Variants in ACBD6 observed in about 807,000 individuals in gnomAD.
ACBD6 encodes acyl-CoA binding domain containing 6, also known as acyl-CoA-binding domain-containing protein 6.
A neutral mutation model predicts 37.2 loss-of-function variants in ACBD6; 28 were observed. That is an observed-to-expected ratio of 0.75 (90% CI 0.56 to 1.03). The LOEUF is 1.03. Among genes scored for constraint, ACBD6 ranks in the 50% least tolerant of loss-of-function variants. ACBD6 has a pLI of 0.00. For missense variants in ACBD6, 340 were observed against 337.4 expected, an observed-to-expected ratio of 1.01 and a Z score of -0.06; for synonymous variants, 113 against 126.8, an observed-to-expected ratio of 0.89 and a Z score of 0.73.
chr1:180,396,316 C>A (rs1046420581), intron 6 of ACBD6, among the ~76,000 whole-genome samples: 3 of 151,872 alleles, frequency 2.0e-5, no homozygotes. Flanking sequence ...GAGTATTTTA[C>A]CACAATAAAA....
intron 5 of ACBD6, among the ~76,000 whole-genome samples, chr1:180,398,776 T>C (rs1654360072): frequency 6.6e-6 from 1 of 152,204 alleles, no homozygotes; most frequent in African/African-American, 2.4e-5. Flanking sequence ...GATGCATGGC[T>C]TACTACTTTC....
intron 2 of ACBD6, among the ~76,000 whole-genome samples, chr1:180,493,179 C>T (rs918379400): frequency 2.3e-5 from 3 of 129,576 alleles, no homozygotes; most frequent in African/African-American, 8.7e-5. Flanking sequence ...ACCTGGGAGG[C>T]AGAGGTTGCA....
At chr1:180,356,241 A>G (rs914365217) in intron 6 of ACBD6, among the ~76,000 whole-genome samples, 1 of 151,406 alleles carries the variant, frequency 6.6e-6, no homozygotes, top group Non-Finnish European at 1.5e-5. Context: ...CATGATCACG[A>G]CTCACTGCAG....
At chr1:180,473,818 T>C (rs1361436008) in intron 3 of ACBD6, among the ~76,000 whole-genome samples, 2 of 152,158 alleles carry the variant, frequency 1.3e-5, no homozygotes, top group Non-Finnish European at 2.9e-5. Flanking sequence ...CCCACACATA[T>C]GCACATATAC....
intron 7 of ACBD6, among the ~76,000 whole-genome samples, chr1:180,296,642 G>A (rs1241483440): frequency 6.6e-6 from 1 of 151,940 alleles, no homozygotes; most frequent in African/African-American, 2.4e-5. Context: ...TGTTGGCCAG[G>A]CTGGTCTCGA....
intron 6 of ACBD6, among the ~76,000 whole-genome samples, chr1:180,388,099 C>T (rs1381875386): frequency 2.1e-4 from 32 of 151,910 alleles, no homozygotes; most frequent in African/African-American, 7.7e-4. Context: ...TGGCGTGAAC[C>T]CAGGAGGCGG....
At chr1:180,312,875 C>A (rs943499716) in intron 7 of ACBD6, among the ~76,000 whole-genome samples, 1 of 152,168 alleles carries the variant, frequency 6.6e-6, no homozygotes, top group Admixed American at 6.5e-5. Flanking sequence ...AACTGAGGTA[C>A]AGTGTAAGTT....
exon 14 of ACBD6, chr1:180,271,549 C>T (rs1648659589): frequency 6.2e-7 from 1 of 1,613,840 alleles, no homozygotes; most frequent in Non-Finnish European, 8.5e-7. Flanking sequence ...GATGCCAGCA[C>T]TCCTGTGCCC....
At chr1:180,313,857 C>T (rs968277256) in intron 7 of ACBD6, among the ~76,000 whole-genome samples, 5 of 152,144 alleles carry the variant, frequency 3.3e-5, no homozygotes, top group Admixed American at 1.3e-4. Flanking sequence ...ATCATATTTA[C>T]TAGGACTTTA....
intron 6 of ACBD6, among the ~76,000 whole-genome samples, chr1:180,363,929 G>A (rs1359015105): frequency 6.6e-6 from 1 of 152,178 alleles, no homozygotes; most frequent in Non-Finnish European, 1.5e-5. Context: ...TTAGAAGTAA[G>A]CTCATGGGAT....
At position 180,411,311 on chromosome 1, in the gene ACBD6, T is replaced by C. The variant is rs142397819; in HGVS notation, c.573+2055A>G. The stretch of plus-strand genomic sequence containing the variant: ...AAAGCAGTGGCAGGGTTTGAAAGGA[T>C]TGACTACAATTTTGAAAGAAGTTCC... On this transcript the variant is annotated intron_variant, in intron 5 of 7. Coordinates refer to ENST00000367595, the MANE Select transcript of ACBD6 (RefSeq NM_032360.4). 5.4e-3 allele frequency among the ~76,000 whole-genome samples: 816 copies of C among 152,348 alleles called. 4 individuals carry two copies. The highest frequency in any genetic ancestry group is 0.018 in the African/African-American group (752 of 41,576).
chr1:180,343,147 TAAAC>T (rs1188011402), intron 6 of ACBD6, among the ~76,000 whole-genome samples: 3 of 151,824 alleles, frequency 2.0e-5, no homozygotes, highest in Non-Finnish European at 2.9e-5. Flanking sequence ...GAATTAAAAA[TAAAC>T]AAAATTACAT....
intron 5 of ACBD6, among the ~76,000 whole-genome samples, chr1:180,404,860 T>C (rs1483775799): frequency 1.3e-5 from 2 of 152,232 alleles, no homozygotes; most frequent in African/African-American, 2.4e-5. Flanking sequence ...CCAAAATAAG[T>C]TGCCAAAGCT....
intron 7 of ACBD6, among the ~76,000 whole-genome samples, chr1:180,292,499 C>T (rs528011402): frequency 6.6e-6 from 1 of 151,956 alleles, no homozygotes; most frequent in South Asian, 2.1e-4. Flanking sequence ...GTATACTATC[C>T]CTGGTGTTTT....
chr1:180,346,032 G>A (rs1218845056), intron 6 of ACBD6, among the ~76,000 whole-genome samples: 2 of 152,142 alleles, frequency 1.3e-5, no homozygotes. Flanking sequence ...CTGAAATTCT[G>A]AAGCTAAAAT....
intron 7 of ACBD6, among the ~76,000 whole-genome samples, chr1:180,289,567 C>A (rs764181193): frequency 6.6e-6 from 1 of 152,208 alleles, no homozygotes; most frequent in Non-Finnish European, 1.5e-5. Context: ...CATATACCCT[C>A]CAACCTAGTA....
intron 7 of ACBD6, among the ~76,000 whole-genome samples, chr1:180,295,806 T>TC (rs909058784): frequency 5.3e-5 from 8 of 152,186 alleles, no homozygotes; most frequent in African/African-American, 1.7e-4. Context: ...AGCCAATCCC[T>TC]CGTCTATCCC....
chr1:180,283,894 C>T (rs1423860656), downstream of ACBD6, among the ~76,000 whole-genome samples: 7 of 151,944 alleles, frequency 4.6e-5, no homozygotes, highest in African/African-American at 9.7e-5. Context: ...TCAGCTGGTA[C>T]GTATATAATG....
chr1:180,335,440 C>A (rs1042715995), intron 6 of ACBD6, among the ~76,000 whole-genome samples: 10 of 152,008 alleles, frequency 6.6e-5, no homozygotes, highest in African/African-American at 2.4e-4. Context: ...GAAATAAAAT[C>A]CTTTACAGAC....
Sources: allele counts gnomAD v4.1 joint callset (sites outside exome capture counted in the v4.1 genomes callset), GRCh38; gene constraint gnomAD v4.1.1; transcripts MANE v1.5; gene names NCBI Gene and HGNC (gene_info 2026-07-23, HGNC 2026-07-21).